The following CR2 variants were observed in gnomAD, a reference collection of about 807,000 sequenced individuals.
The protein encoded by CR2 is complement receptor type 2.
In CR2, 96 loss-of-function variants were observed where a neutral mutation model predicts 123.0. The ratio of observed to expected loss-of-function variants is 0.78; its 90% CI spans 0.66 to 0.93. CR2 has a LOEUF of 0.93. Among genes scored for constraint, CR2 ranks in the 40% least tolerant of loss-of-function variants. The pLI, the probability that CR2 is intolerant of heterozygous loss-of-function variation, is 0.00. For synonymous variants in CR2, 484 were observed against 469.5 expected, an observed-to-expected ratio of 1.03 and a Z score of -0.40; for missense variants, 1,258 against 1,361.0, an observed-to-expected ratio of 0.92 and a Z score of 1.19.
chr1:207,464,135 C>T (rs1325514154), intron 1 of CR2, among the ~76,000 whole-genome samples: 1 of 152,176 alleles, frequency 6.6e-6, no homozygotes, highest in Non-Finnish European at 1.5e-5. Flanking sequence ...TAGGTCCCTT[C>T]TATAACAATT....
chr1:207,456,228 C>T (rs372908026), intron 1 of CR2, among the ~76,000 whole-genome samples: 2 of 152,314 alleles, frequency 1.3e-5, no homozygotes, highest in South Asian at 2.1e-4. Flanking sequence ...ATGCGCTGCT[C>T]ATGGTCTTCC....
chr1:207,474,225 A>C lies in CR2; in HGVS notation c.2241-16A>C. The C allele has an allele frequency of 6.3e-7, 1 of 1,584,140 alleles. No individual in the cohort carries two copies. On this transcript the variant is annotated splice_polypyrimidine_tract_variant and intron_variant, in intron 12 of 19. Transcript: ENST00000367057. ...TATTGGGAACAGGAAATGCATTATA[A>C]TCTGTCTCTCTGTAGGTACCAGTTG...
intron 19 of CR2, among the ~76,000 whole-genome samples, chr1:207,488,356 T>A (rs1658804174): frequency 6.6e-6 from 1 of 152,228 alleles, no homozygotes; most frequent in Admixed American, 6.5e-5. Context: ...CCAGGAGTGG[T>A]GGCTCACGTC....
At chr1:207,482,483 A>G (rs1411647052) in intron 18 of CR2, among the ~76,000 whole-genome samples, 1 of 152,118 alleles carries the variant, frequency 6.6e-6, no homozygotes, top group Non-Finnish European at 1.5e-5. Context: ...AAGAGGAATG[A>G]CCACGTCCAT....
rs1658830494 is a variant in CR2 at position 207,489,465 on chromosome 1, T to A, written c.*342T>A. ...AGAGCTGTCCTGGTATCTAGACCCA[T>A]CTTCTTTTTGAAATCAGCATACTCA... On this transcript the variant is annotated 3_prime_UTR_variant, in exon 20 of 20. Transcript: ENST00000367057. 1 of 152,234 alleles carries A rather than the reference T, an allele frequency of 6.6e-6. No homozygotes were observed. Among genetic ancestry groups the A allele is most frequent in the Non-Finnish European group, 1.5e-5 (1 of 68,040 alleles). The allele number at this position is 152,234 out of a possible 1,614,324, so 9.4% of individuals were successfully genotyped here.
rs1658403731 is a variant in CR2, at chr1:207,475,232, G to A, written c.2716+16G>A. ...ATCAAAAAAGGTAAGATACTTGGAA[G>A]GGATAAGTTATGGGATGTTGTACAG... On this transcript the variant is annotated intron_variant, in intron 14 of 19. Coordinates refer to ENST00000367057, the MANE Select transcript of CR2 (RefSeq NM_001006658.3). The A allele has an allele frequency of 6.2e-7, 1 of 1,613,672 alleles. No individual in the cohort carries two copies. The highest frequency in any genetic ancestry group is 1.1e-5 in the South Asian group (1 of 91,036).
intron 2 of CR2, chr1:207,468,265 T>C: frequency 2.0e-6 from 1 of 508,790 alleles, no homozygotes; most frequent in Non-Finnish European, 3.5e-6. Flanking sequence ...TCGCTACCCG[T>C]GGACAGCATG....
Position 207,474,323 on chromosome 1 carries a change from G to C in CR2, c.2323G>C (p.Val775Leu). The stretch of plus-strand genomic sequence containing the variant: ...GTTCAAAAAGATTCCACTTTGTAAA[G>C]GTAAGTTAGAAAAAATAAAAGCCTG... ...IWFKKIPLCK[V>L]IHCHPPPVIV... Residue 775 changes from valine (V) to leucine (L), a missense_variant and splice_region_variant, in exon 13 of 20, where the codon GTT becomes CTT. Val to Leu is a conservative substitution (Grantham distance 32). Coordinates refer to ENST00000367057, the MANE Select transcript of CR2 (RefSeq NM_001006658.3). 6.2e-7 allele frequency: 1 copy of C among 1,605,616 alleles called. No homozygotes were observed. The highest frequency in any genetic ancestry group is 1.1e-5 in the South Asian group (1 of 90,852).
In CR2 at chr1:207,454,665, C is replaced by T. The variant is rs1657784826; in HGVS notation, c.58+189C>T. The T allele has an allele frequency of 1.9e-6, 1 of 527,466 alleles. No homozygotes were observed. Among genetic ancestry groups the T allele is most frequent in the Admixed American group, 3.7e-5 (1 of 26,888 alleles). The allele number at this position is 527,466 out of a possible 1,614,324, so 32.7% of individuals were successfully genotyped here. On this transcript the variant is annotated intron_variant, in intron 1 of 19. Coordinates refer to ENST00000367057, the MANE Select transcript of CR2 (RefSeq NM_001006658.3). The surrounding 1 kb of genome is among the most constrained non-coding windows in gnomAD (Gnocchi z 4.3). ...TCCTGATTGTCCCCACTGGCCCCTC[C>T]GGGAGCTGGGACCTCCAGAATTGGA...
chr1:207,463,403 A>G (rs1212450162), intron 1 of CR2, among the ~76,000 whole-genome samples: 1 of 152,152 alleles, frequency 6.6e-6, no homozygotes, highest in Non-Finnish European at 1.5e-5. Context: ...CTGCTTCAAG[A>G]TTACCAGCTA....
In CR2 at chr1:207,475,058, A is replaced by G. The variant is rs756849760; in HGVS notation, c.2558A>G (p.Lys853Arg). Reference protein sequence around the residue: ...PVTRCPNPEVKHGYKLNKTHS... With the variant: ...PVTRCPNPEVRHGYKLNKTHS... The stretch of plus-strand genomic sequence containing the variant: ...ACTCGCTGCCCTAATCCAGAAGTCA[A>G]ACATGGGTACAAGCTCAATAAAACA... Residue 853 changes from lysine (K) to arginine (R), a missense_variant, in exon 14 of 20, where the codon AAA (lysine) becomes AGA (arginine). Physicochemically the swap from Lys to Arg is conservative, Grantham distance 26. Transcript: ENST00000367057. 1 of 1,613,612 alleles carries G rather than the reference A, an allele frequency of 6.2e-7. No individual in the cohort carries two copies. The highest frequency in any genetic ancestry group is 2.2e-5 in the East Asian group (1 of 44,894).
At chr1:207,473,415 C>A in intron 10 of CR2, 130 bp from the exon 11 acceptor site, 1 of 1,144,900 alleles carries the variant, frequency 8.7e-7, no homozygotes, top group Non-Finnish European at 1.3e-6. Flanking sequence ...AAACAGCATT[C>A]AGTAGTGAAT....
intron 1 of CR2, among the ~76,000 whole-genome samples, chr1:207,462,199 G>T (rs1657983599): frequency 6.6e-6 from 1 of 152,072 alleles, no homozygotes; most frequent in African/African-American, 2.4e-5. Flanking sequence ...CTTTGCCTTT[G>T]AGAAACTCCT....
At chr1:207,460,125 C>A (rs919392491) in intron 1 of CR2, among the ~76,000 whole-genome samples, 1 of 152,142 alleles carries the variant, frequency 6.6e-6, no homozygotes, top group African/African-American at 2.4e-5. Flanking sequence ...TTGATAATTA[C>A]AGATTAAGTC....
At chr1:207,468,764 T>C (rs1658178951) in intron 3 of CR2, 36 bp from the exon 4 acceptor site, 2 of 1,613,912 alleles carry the variant, frequency 1.2e-6, no homozygotes, top group African/African-American at 1.3e-5. Context: ...GTTCTGTTAT[T>C]TGCCATGCAT....
At chr1:207,469,083 AAGTAGAGGCTGCTGTTCTTC>A in intron 4 of CR2, 47 bp from the exon 5 acceptor site, 1 of 1,433,958 alleles carries the variant, frequency 7.0e-7, no homozygotes, top group South Asian at 1.1e-5. Context: ...CTTGAATTGT[AAGTAGAGGCTGCTGTTCTTC>A]AGCACAAACT....
At chr1:207,471,246 T>A (rs1658271253) in intron 8 of CR2, among the ~76,000 whole-genome samples, 159 bp downstream of exon 8, 1 of 152,192 alleles carries the variant, frequency 6.6e-6, no homozygotes, top group Non-Finnish European at 1.5e-5. Flanking sequence ...TCTATCATAC[T>A]ATTTTTCCAT....
At position 207,466,832 on chromosome 1, in the gene CR2, T is replaced by A; in HGVS notation, c.365T>A (p.Phe122Tyr). Residue 122 changes from phenylalanine to tyrosine, a missense_variant, in exon 2 of 20, where the codon TTC becomes TAC. Physicochemically the swap from Phe to Tyr is conservative, Grantham distance 22 (BLOSUM62 3). Transcript: ENST00000367057. ...GTGACATTTGCCTGTAAAACCAACT[T>A]CTCCATGAACGGAAACAAGTCTGTT... ...DSVTFACKTN[F>Y]SMNGNKSVWC... is the part of the protein sequence containing the mutation. The A allele has an allele frequency of 6.2e-7, 1 of 1,613,228 alleles. No individual in the cohort carries two copies. The highest frequency in any genetic ancestry group is 8.5e-7 in the Non-Finnish European group (1 of 1,179,766).
Position 207,469,835 on chromosome 1 carries a change from G to A in CR2, c.958G>A (p.Glu320Lys), listed in dbSNP as rs909956111. 2 of 1,613,872 alleles carry A rather than the reference G, an allele frequency of 1.2e-6. No individual in the cohort carries two copies. Among genetic ancestry groups the A allele is most frequent in the Admixed American group, 3.3e-5 (2 of 59,956 alleles). The change falls in exon 6 of 20, where the codon GAG becomes AAG. Residue 320 changes from glutamate (E) to lysine (K), a missense_variant. Physicochemically the swap from Glu to Lys is moderately conservative, Grantham distance 56. Coordinates refer to ENST00000367057, the MANE Select transcript of CR2 (RefSeq NM_001006658.3). Reference sequence around the variant, plus strand: ...AGGAGTGAACTTCATCCTTATTGGAGAGAGCACTCTCCGTTGTACAGTTGA... The same window carrying A: ...AGGAGTGAACTTCATCCTTATTGGAAAGAGCACTCTCCGTTGTACAGTTGA... ...EEGVNFILIG[E>K]STLRCTVDSQ...
Sources: gnomAD v4.1 joint callset for allele counts (sites outside exome capture counted in the v4.1 genomes callset) on GRCh38, gnomAD v4.1.1 for gene constraint, Gnocchi (gnomAD v3.1) non-coding constraint, MANE v1.5 for transcripts, NCBI Gene and HGNC (gene_info 2026-07-23, HGNC 2026-07-21) for gene names.